The following VARS2 variants were observed in gnomAD, a reference collection of about 807,000 sequenced individuals.
VARS2 encodes valine--tRNA ligase, mitochondrial.
A neutral mutation model predicts 154.1 loss-of-function variants in VARS2; 105 were observed. The observed-to-expected ratio is 0.68, with a 90% CI of 0.58 to 0.80. VARS2 has a LOEUF of 0.80. Among genes scored for constraint, VARS2 ranks in the 30% least tolerant of loss-of-function variants. The probability of loss-of-function intolerance (pLI) is 0.00; values close to 1 mark genes in which losing one functional copy is unlikely to be tolerated. For synonymous variants in VARS2, 483 were observed against 539.5 expected, an observed-to-expected ratio of 0.90 and a Z score of 1.45; for missense variants, 1,157 against 1,361.4, an observed-to-expected ratio of 0.85 and a Z score of 2.36.
At position 30,915,245 on chromosome 6, in the gene VARS2, GAATA is replaced by G; in HGVS notation, c.283+10_283+13del. 1 of 1,614,024 alleles carries G rather than the reference GAATA, an allele frequency of 6.2e-7. No individual in the cohort carries two copies. Among genetic ancestry groups the G allele is most frequent in the Non-Finnish European group, 8.5e-7 (1 of 1,179,844 alleles). ...AACCCGGTGAAAAGAAAGGTAAGTA[GAATA>G]AGTAAGAAGGCCTTTTCTTTCACAT... On this transcript the variant is annotated intron_variant, in intron 3 of 29. Coordinates refer to ENST00000676266, the MANE Select transcript of VARS2 (RefSeq NM_020442.6).
In VARS2 at chr6:30,921,090, T is replaced by C; in HGVS notation, c.1505T>C (p.Leu502Pro). 1.2e-6 allele frequency: 2 copies of C among 1,613,654 alleles called. No individual in the cohort carries two copies. The highest frequency in any genetic ancestry group is 1.7e-6 in the Non-Finnish European group (2 of 1,179,816). Residue 502 changes from leucine (L) to proline (P), a missense_variant, in exon 16 of 30, where the codon CTC (leucine) becomes CCC (proline). Leu to Pro is a moderately conservative substitution (Grantham distance 98). Coordinates refer to ENST00000676266, the MANE Select transcript of VARS2 (RefSeq NM_020442.6). The surrounding 1 kb of genome is among the most constrained non-coding windows in gnomAD (Gnocchi z 4.6). ...AKAVESGALE[L>P]SPSFHQKNWQ... ...GCTGTGGAGTCGGGGGCCCTGGAGCTCAGTCCCTCCTTCCACCAGAAGAAC... is the reference window on the plus strand; with the variant it reads ...GCTGTGGAGTCGGGGGCCCTGGAGCCCAGTCCCTCCTTCCACCAGAAGAAC...
Position 30,915,169 on chromosome 6 carries a change from C to A in VARS2, c.215C>A (p.Ser72Tyr). The A allele has an allele frequency of 6.2e-7, 1 of 1,614,186 alleles. No homozygotes were observed. The highest frequency in any genetic ancestry group is 8.5e-7 in the Non-Finnish European group (1 of 1,180,008). The part of the protein sequence containing the change: ...IAGESKSPAE[S>Y]IKAWRPKELV... ...TTCTCTTCTCAGTCACCTGCAGAAT[C>A]CATTAAGGCCTGGAGGCCTAAGGAG... The change falls in exon 3 of 30, where the codon TCC becomes TAC. Residue 72 changes from serine to tyrosine, a missense_variant. By Grantham distance (144) the Ser-to-Tyr change is moderately radical. Transcript: ENST00000676266.
Position 30,915,542 on chromosome 6 carries a change from T to C in VARS2, c.384+87T>C, listed in dbSNP as rs181113695. 5.0e-5 allele frequency: 73 copies of C among 1,469,162 alleles called. No individual in the cohort carries two copies. The African/African-American group carries it at 7.9e-4, about 16-fold the overall frequency. 91.0% of individuals were successfully genotyped at this position (1,469,162 alleles called of 1,614,324 possible). Reference sequence around the variant, plus strand: ...ACTGGACCTCAGAGTTGAGCTCACATTGTAGACCTTGTCTTCTTTCTGGCT... The same window carrying C: ...ACTGGACCTCAGAGTTGAGCTCACACTGTAGACCTTGTCTTCTTTCTGGCT... On this transcript the variant is annotated intron_variant, in intron 4 of 29. Coordinates refer to ENST00000676266, the MANE Select transcript of VARS2 (RefSeq NM_020442.6).
In VARS2 at chr6:30,915,446, A is replaced by G. The variant is rs767383793; in HGVS notation, c.375A>G (p.Pro125=). 2 of 1,614,034 alleles carry G rather than the reference A, an allele frequency of 1.2e-6. No homozygotes were observed. The highest frequency in any genetic ancestry group is 1.7e-6 in the Non-Finnish European group (2 of 1,180,008). ...PWWVREGFFK[P]EYQARLPQAT... is the part of the protein sequence containing the mutation. The stretch of plus-strand genomic sequence containing the variant: ...GGGTACGAGAGGGCTTCTTCAAACC[A>G]GAATATCAGGTTAGTATCTGGCAGG... Residue 125 remains proline, a synonymous_variant, in exon 4 of 30, where the codon CCA becomes CCG. Transcript: ENST00000676266.
At position 30,914,816 on chromosome 6, in the gene VARS2, G is replaced by T. The variant is rs773039807; in HGVS notation, c.-21G>T. On this transcript the variant is annotated 5_prime_UTR_variant, in exon 2 of 30. Coordinates refer to ENST00000676266, the MANE Select transcript of VARS2 (RefSeq NM_020442.6). ...CTCTCTCTATCCAGAACAGATCTCG[G>T]CCCCTTTCCAAACACTCCTGATGCC... is the stretch of plus-strand genomic sequence containing the variant. The T allele has an allele frequency of 2.1e-5, 34 of 1,612,808 alleles. No homozygotes were observed. The highest frequency in any genetic ancestry group is 2.9e-5 in the Non-Finnish European group (34 of 1,179,984).
At chr6:30,923,624 G>A in intron 25 of VARS2, 119 bp downstream of exon 25, 1 of 1,413,684 alleles carries the variant, frequency 7.1e-7, no homozygotes. Context: ...GTTAGGAGAG[G>A]AGAGGAGACG....
rs1291792056 is a variant in VARS2 at position 30,922,104 on chromosome 6, T to A, written c.1807-12T>A. 4.3e-6 allele frequency: 7 copies of A among 1,612,360 alleles called. No homozygotes were observed. Among genetic ancestry groups the A allele is most frequent in the Non-Finnish European group, 5.1e-6 (6 of 1,179,758 alleles). On this transcript the variant is annotated splice_polypyrimidine_tract_variant and intron_variant, in intron 19 of 29. Transcript: ENST00000676266. ...TGGGGCCTGGGCCTCTTACTGCTCCTCTTCCCCCTAGACCCCAGACCTTGC... is the reference window on the plus strand; with the variant it reads ...TGGGGCCTGGGCCTCTTACTGCTCCACTTCCCCCTAGACCCCAGACCTTGC...
Position 30,922,670 on chromosome 6 carries a change from C to T in VARS2, c.2038-36C>T, listed in dbSNP as rs190904438. 2.4e-4 allele frequency: 384 copies of T among 1,600,212 alleles called. 1 individual carries two copies. In the East Asian group the frequency reaches 5.1e-3, roughly 21 times the overall value. ...GTGACCCTTATAGAGGCAGGGCCTT[C>T]GACCTGGGTCGTGAATTGCCCCCTT... On this transcript the variant is annotated intron_variant, in intron 21 of 29. Transcript: ENST00000676266.
rs769449639 is a variant in VARS2, at chr6:30,915,200, A to G, written c.246A>G (p.Val82=). The change falls in exon 3 of 30, where the codon GTA becomes GTG. Residue 82 remains valine, a synonymous_variant. Coordinates refer to ENST00000676266, the MANE Select transcript of VARS2 (RefSeq NM_020442.6). ...AGGCCTGGAGGCCTAAGGAGTTAGT[A>G]TTGTATGAAATCCCTACGAAACCCG... ...SIKAWRPKEL[V]LYEIPTKPGE... is the part of the protein sequence containing the mutation. The G allele has an allele frequency of 1.2e-6, 2 of 1,614,208 alleles. No homozygotes were observed. Among genetic ancestry groups the G allele is most frequent in the South Asian group, 1.1e-5 (1 of 91,090 alleles).
Position 30,921,301 on chromosome 6 carries a change from C to G in VARS2, c.1628C>G (p.Ala543Gly), listed in dbSNP as rs778691603. 10 of 1,614,106 alleles carry G rather than the reference C, an allele frequency of 6.2e-6. No homozygotes were observed. The highest frequency in any genetic ancestry group is 8.5e-6 in the Non-Finnish European group (10 of 1,180,008). ...IPAYLVVEDH[A>G]QGEEDCWVVG... is the part of the protein sequence containing the mutation. ...GCCTACCTGGTTGTAGAGGACCATG[C>G]GCAGGTGGGTAGGAAGAAGCACCCG... The change falls in exon 17 of 30, where the codon GCG becomes GGG. Residue 543 changes from alanine (A) to glycine (G), a missense_variant. Coordinates refer to ENST00000676266, the MANE Select transcript of VARS2 (RefSeq NM_020442.6). The surrounding 1 kb of genome is among the most constrained non-coding windows in gnomAD (Gnocchi z 4.6).
chr6:30,923,517 T>A lies in VARS2; in HGVS notation c.2466+12T>A, dbSNP rs779256238. ...GTGACGTCTACCTGGTGAGTGAGGCTGGGGGAGGCTTGGTATTCCCATGCC... is the reference window on the plus strand; with the variant it reads ...GTGACGTCTACCTGGTGAGTGAGGCAGGGGGAGGCTTGGTATTCCCATGCC... On this transcript the variant is annotated intron_variant, in intron 25 of 29. Coordinates refer to ENST00000676266, the MANE Select transcript of VARS2 (RefSeq NM_020442.6). 2 of 1,603,450 alleles carry A rather than the reference T, an allele frequency of 1.2e-6. No individual in the cohort carries two copies. The highest frequency in any genetic ancestry group is 1.7e-6 in the Non-Finnish European group (2 of 1,174,870).
rs745333751 is a variant in VARS2 at position 30,923,378 on chromosome 6, C to T, written c.2339C>T (p.Ala780Val). 62 of 1,611,536 alleles carry T rather than the reference C, an allele frequency of 3.8e-5. No individual in the cohort carries two copies. Among genetic ancestry groups the T allele is most frequent in the Non-Finnish European group, 5.0e-5 (59 of 1,179,428 alleles). Residue 780 changes from alanine (A) to valine (V), a missense_variant, in exon 25 of 30, where the codon GCC becomes GTC. Coordinates refer to ENST00000676266, the MANE Select transcript of VARS2 (RefSeq NM_020442.6). ...EELSPSSPMDAWILSRLALAA... is the reference protein window; with the variant it reads ...EELSPSSPMDVWILSRLALAA... ...CTGTCTCCCTCCTCCCCGATGGATG[C>T]CTGGATCCTGAGCCGCCTTGCCCTG...
chr6:30,914,915 T>TC lies in VARS2; in HGVS notation c.81dup (p.Val28ArgfsTer18). On this transcript the variant is annotated frameshift_variant, in exon 2 of 30. Coordinates refer to ENST00000676266, the MANE Select transcript of VARS2 (RefSeq NM_020442.6). LOFTEE classifies it high-confidence loss of function. Reference sequence around the variant, plus strand: ...CTCACGGGGCCTCCCCAGGTTTCACTCCGTTTCTACACAGTCGGAGCCCCA... The same window carrying TC: ...CTCACGGGGCCTCCCCAGGTTTCACTCCCGTTTCTACACAGTCGGAGCCCCA... 6.2e-7 allele frequency: 1 copy of TC among 1,613,010 alleles called. No individual in the cohort carries two copies. The highest frequency in any genetic ancestry group is 1.1e-5 in the South Asian group (1 of 91,088).
chr6:30,922,734 A>G lies in VARS2; in HGVS notation c.2066A>G (p.Asn689Ser), dbSNP rs1794603973. ...CTGCAGGAAAAGCTGAGAAGCGGAA[A>G]TTTGGACCCTGCAGAGCTGGCCATT... is the stretch of plus-strand genomic sequence containing the variant. ...QVLQEKLRSG[N>S]LDPAELAIVA... The change falls in exon 22 of 30, where the codon AAT becomes AGT. Residue 689 changes from asparagine to serine, a missense_variant. Asn to Ser is a conservative substitution (Grantham distance 46). Transcript: ENST00000676266. 6.2e-7 allele frequency: 1 copy of G among 1,612,650 alleles called. No individual in the cohort carries two copies. Among genetic ancestry groups the G allele is most frequent in the African/African-American group, 1.3e-5 (1 of 74,922 alleles).
In VARS2 at chr6:30,916,523, T is replaced by G; in HGVS notation, c.671+274T>G. The G allele has an allele frequency of 3.0e-6, 1 of 335,628 alleles. No individual in the cohort carries two copies. The highest frequency in any genetic ancestry group is 5.2e-6 in the Non-Finnish European group (1 of 192,118). The allele number at this position is 335,628 out of a possible 1,614,324, so 20.8% of individuals were successfully genotyped here. A position where few individuals can be genotyped will look rare whatever the true frequency, so the allele number is the denominator to read the frequency against. ...TTTCTTTCTCTTTACTTACCCCAAT[T>G]TCTCTTGTCTAAATCTCACCTTCTT... On this transcript the variant is annotated intron_variant, in intron 7 of 29. Transcript: ENST00000676266. This position sits in a 1 kb window ranked among gnomAD's most constrained non-coding sequence, Gnocchi z 4.0.
chr6:30,915,062 T>C (rs1562445891), intron 2 of VARS2, 25 bp downstream of exon 2: 2 of 1,612,684 alleles, frequency 1.2e-6, no homozygotes, highest in African/African-American at 2.7e-5. Flanking sequence ...AGCTTGTCCT[T>C]GGGTTTCTGA....
rs1463937476 is a variant in VARS2 at position 30,921,630 on chromosome 6, G to C, written c.1674G>C (p.Glu558Asp). 1 of 1,609,448 alleles carries C rather than the reference G, an allele frequency of 6.2e-7. No individual in the cohort carries two copies. Among genetic ancestry groups the C allele is most frequent in the Non-Finnish European group, 8.5e-7 (1 of 1,179,156 alleles). Residue 558 changes from glutamate to aspartate, a missense_variant, in exon 18 of 30, where the codon GAG (glutamate) becomes GAC (aspartate). Coordinates refer to ENST00000676266, the MANE Select transcript of VARS2 (RefSeq NM_020442.6). The surrounding 1 kb of genome is among the most constrained non-coding windows in gnomAD (Gnocchi z 4.6). ...DCWVVGRSEA[E>D]AREVAAELTG... ...GGGTGGTTGGGCGGTCAGAGGCTGA[G>C]GCCAGAGAGGTAGCAGCGGAACTGA...
rs1443397382 is a variant in VARS2 at position 30,921,865 on chromosome 6, G to A, written c.1736-60G>A. On this transcript the variant is annotated intron_variant, in intron 18 of 29. Coordinates refer to ENST00000676266, the MANE Select transcript of VARS2 (RefSeq NM_020442.6). This position sits in a 1 kb window ranked among gnomAD's most constrained non-coding sequence, Gnocchi z 4.6. ...GGGTTGGCCTAGAATGGTGGCAGCA[G>A]TGGTCTGAGGTCCTAGAAGCCAAGG... The A allele has an allele frequency of 4.4e-6, 7 of 1,604,320 alleles. No individual in the cohort carries two copies. The African/African-American group carries it at 6.7e-5, about 15-fold the overall frequency.
chr6:30,925,634 G>T lies in VARS2; in HGVS notation c.2876G>T (p.Gly959Val). The T allele has an allele frequency of 6.2e-7, 1 of 1,611,136 alleles. No individual in the cohort carries two copies. The highest frequency in any genetic ancestry group is 1.3e-5 in the African/African-American group (1 of 74,976). ...LGTLGYCGAVGLLPPGAAAPS... is the reference protein window; with the variant it reads ...LGTLGYCGAVVLLPPGAAAPS... ...ACCCTGGGCTACTGTGGGGCTGTGG[G>T]CCTGTTACCCCCAGGCGCAGCAGCT... The change falls in exon 28 of 30, where the codon GGC becomes GTC. Residue 959 changes from glycine to valine, a missense_variant. Coordinates refer to ENST00000676266, the MANE Select transcript of VARS2 (RefSeq NM_020442.6).
Sources: allele counts gnomAD v4.1 joint callset, GRCh38; gene constraint gnomAD v4.1.1; non-coding constraint Gnocchi (gnomAD v3.1); transcripts MANE v1.5; gene names NCBI Gene and HGNC (gene_info 2026-07-23, HGNC 2026-07-21).